Variants in CYB5R4 observed in about 807,000 individuals in gnomAD.
The protein encoded by CYB5R4 is N-terminal cytochrome b5 and cytochrome b5 oxidoreductase domain-containing protein.
In CYB5R4, 55 loss-of-function variants were observed where a neutral mutation model predicts 70.2. That is an observed-to-expected ratio of 0.78 (90% CI 0.63 to 0.98). The LOEUF is 0.98. Ranked by LOEUF, CYB5R4 falls within the 50% of genes least tolerant of loss-of-function variation. The pLI is 0.00. For missense variants in CYB5R4, 562 were observed against 612.6 expected (o/e 0.92, Z 0.87); for synonymous variants, 197 against 199.5 (o/e 0.99, Z 0.11).
chr6:83,879,223 T>C (rs2099459072), intron 2 of CYB5R4, among the ~76,000 whole-genome samples: 1 of 152,036 alleles, frequency 6.6e-6, no homozygotes, highest in South Asian at 2.1e-4. Context: ...CTTCCCTTTG[T>C]GGCAGCTGGA....
intron 2 of CYB5R4, among the ~76,000 whole-genome samples, chr6:83,882,768 A>G (rs1265688337): frequency 6.6e-6 from 1 of 152,170 alleles, no homozygotes; most frequent in Non-Finnish European, 1.5e-5. Flanking sequence ...TGGGTGGATC[A>G]CGAGATCAGG....
chr6:83,893,666 A>G lies in CYB5R4; in HGVS notation c.330+44A>G, dbSNP rs763654184. On this transcript the variant is annotated intron_variant, in intron 3 of 15. Transcript: ENST00000369681. Reference sequence around the variant, plus strand: ...AACCAAAGTATTCCGGTGGAAGAGTACTCAGATTTATCAGTGTGACATTTG... The same window carrying G: ...AACCAAAGTATTCCGGTGGAAGAGTGCTCAGATTTATCAGTGTGACATTTG... 26 of 1,124,650 alleles carry G rather than the reference A, an allele frequency of 2.3e-5. No individual in the cohort carries two copies. In the South Asian group the frequency reaches 3.3e-4, roughly 14 times the overall value. The allele number at this position is 1,124,650 out of a possible 1,614,324, so 69.7% of individuals were successfully genotyped here. A position where few individuals can be genotyped will look rare whatever the true frequency, so the allele number is the denominator to read the frequency against.
At chr6:83,875,920 G>A (rs1319503535) in intron 2 of CYB5R4, among the ~76,000 whole-genome samples, 1 of 152,184 alleles carries the variant, frequency 6.6e-6, no homozygotes, top group Non-Finnish European at 1.5e-5. Context: ...GGCTAGGTAT[G>A]TCTGACTTTC....
rs1238372282 is a variant in CYB5R4, at chr6:83,893,512, T to G, written c.230-10T>G. On this transcript the variant is annotated splice_polypyrimidine_tract_variant and intron_variant, in intron 2 of 15. Coordinates refer to ENST00000369681, the MANE Select transcript of CYB5R4 (RefSeq NM_016230.4). ...CATTTAGGATATTATTTCTGTTTGC[T>G]TTGGTACAGGTTTCGTTTATAATGT... 1.3e-6 allele frequency: 2 copies of G among 1,540,904 alleles called. No homozygotes were observed. Among genetic ancestry groups the G allele is most frequent in the African/African-American group, 2.7e-5 (2 of 73,026 alleles).
At chr6:83,900,539 A>T (rs1588569610) in intron 3 of CYB5R4, among the ~76,000 whole-genome samples, 1 of 151,720 alleles carries the variant, frequency 6.6e-6, no homozygotes, top group Admixed American at 6.6e-5. Flanking sequence ...TTTCTGTCTC[A>T]TTGATCTGTC....
intron 9 of CYB5R4, among the ~76,000 whole-genome samples, chr6:83,922,927 C>T (rs1236109112): frequency 6.6e-6 from 1 of 151,928 alleles, no homozygotes; most frequent in Non-Finnish European, 1.5e-5. Context: ...TAGTTGAGAT[C>T]ACAGTACACA....
At chr6:83,864,880 G>A (rs1250526665) in intron 2 of CYB5R4, among the ~76,000 whole-genome samples, 1 of 152,098 alleles carries the variant, frequency 6.6e-6, no homozygotes, top group African/African-American at 2.4e-5. Flanking sequence ...GAGGAGGTGA[G>A]CAGGCAGACA....
intron 2 of CYB5R4, among the ~76,000 whole-genome samples, chr6:83,890,315 A>G (rs1163806282): frequency 6.6e-6 from 1 of 152,170 alleles, no homozygotes; most frequent in Admixed American, 6.5e-5. Context: ...CCTCATGGGT[A>G]ACTTTGAAGG....
chr6:83,872,729 TTTGA>T (rs1202052897), intron 2 of CYB5R4, among the ~76,000 whole-genome samples: 1 of 152,246 alleles, frequency 6.6e-6, no homozygotes, highest in Admixed American at 6.5e-5. Context: ...TAGATTTGAC[TTTGA>T]TTGTAACAGT....
chr6:83,880,206 T>C (rs1370485970), intron 2 of CYB5R4, among the ~76,000 whole-genome samples: 1 of 152,234 alleles, frequency 6.6e-6, no homozygotes, highest in African/African-American at 2.4e-5. Flanking sequence ...GGTAATTAGC[T>C]ATTGATCACC....
chr6:83,888,494 G>T (rs568416454), intron 2 of CYB5R4, among the ~76,000 whole-genome samples: 1 of 152,142 alleles, frequency 6.6e-6, no homozygotes, highest in East Asian at 1.9e-4. Context: ...CTCTTATGAT[G>T]ATCTGTGATC....
rs540808483 is a variant in CYB5R4 at position 83,963,587 on chromosome 6, C to T, written c.*3709C>T. 1 of 152,196 alleles carries T rather than the reference C, an allele frequency of 6.6e-6. No homozygotes were observed. The highest frequency in any genetic ancestry group is 6.5e-5 in the Admixed American group (1 of 15,282). 9.4% of individuals were successfully genotyped at this position (152,196 alleles called of 1,614,324 possible). On this transcript the variant is annotated 3_prime_UTR_variant, in exon 16 of 16. Coordinates refer to ENST00000369681, the MANE Select transcript of CYB5R4 (RefSeq NM_016230.4). ...TTATTTTGAAGTCATTTTCACCCAG[C>T]ATTGCAAGTTTAGCAGACCTCAAAA...
chr6:83,892,709 G>A (rs1210650795), intron 2 of CYB5R4, among the ~76,000 whole-genome samples: 1 of 152,152 alleles, frequency 6.6e-6, no homozygotes, highest in African/African-American at 2.4e-5. Context: ...TGCCTAAGTG[G>A]TCACCATTGC....
At chr6:83,945,292 G>C (rs1208607776) in intron 14 of CYB5R4, among the ~76,000 whole-genome samples, 1 of 152,198 alleles carries the variant, frequency 6.6e-6, no homozygotes, top group Non-Finnish European at 1.5e-5. Flanking sequence ...CAACTACGTG[G>C]AAACTGAACA....
intron 10 of CYB5R4, among the ~76,000 whole-genome samples, chr6:83,933,796 A>G (rs2099468511): frequency 6.6e-6 from 1 of 152,184 alleles, no homozygotes; most frequent in South Asian, 2.1e-4. Flanking sequence ...TTATAAAAAT[A>G]TTTGATTCCT....
chr6:83,946,982 A>G (rs1208014562), intron 14 of CYB5R4, among the ~76,000 whole-genome samples: 5 of 152,236 alleles, frequency 3.3e-5, no homozygotes, highest in Non-Finnish European at 7.3e-5. Context: ...CATACTGCCC[A>G]AAGTAATTTA....
chr6:83,936,783 C>G (rs2099468984), intron 12 of CYB5R4, among the ~76,000 whole-genome samples: 1 of 152,208 alleles, frequency 6.6e-6, no homozygotes, highest in Admixed American at 6.5e-5. Flanking sequence ...TTTGAAACCT[C>G]TGATGGGTCC....
At chr6:83,870,967 T>G (rs1031218372) in intron 2 of CYB5R4, among the ~76,000 whole-genome samples, 7 of 146,940 alleles carry the variant, frequency 4.8e-5, no homozygotes, top group Non-Finnish European at 1.0e-4. Context: ...TCTTTCATTG[T>G]TTGCTTTTTT....
At chr6:83,879,970 C>T (rs1207328627) in intron 2 of CYB5R4, among the ~76,000 whole-genome samples, 2 of 152,156 alleles carry the variant, frequency 1.3e-5, no homozygotes, top group Non-Finnish European at 2.9e-5. Context: ...GAATTTAGAT[C>T]ATCTGGTTGC....
Sources: allele counts gnomAD v4.1 joint callset (sites outside exome capture counted in the v4.1 genomes callset), GRCh38; gene constraint gnomAD v4.1.1; transcripts MANE v1.5; gene names NCBI Gene and HGNC (gene_info 2026-07-23, HGNC 2026-07-21).